The following FAM110C variants were observed in gnomAD, a reference collection of about 807,000 sequenced individuals.
FAM110C encodes protein FAM110C.
In FAM110C, 19 loss-of-function variants were observed where a neutral mutation model predicts 15.7. The ratio of observed to expected loss-of-function variants is 1.21; its 90% CI spans 0.85 to 1.78. The LOEUF (loss-of-function observed/expected upper bound fraction) is 1.78. FAM110C is among the 40% of genes most tolerant of loss of function. The pLI is 0.00. For synonymous variants in FAM110C, 275 were observed against 233.9 expected (o/e 1.18, Z -1.61); for missense variants, 547 against 495.7 (o/e 1.10, Z -0.98).
At position 40,748 on chromosome 2, in the gene FAM110C, G is replaced by A. The variant is rs1330623404; in HGVS notation, c.*860C>T. ...AAACCAAAGTTTTCTGTTCTTTTTG[G>A]AAGTTGGGAACAAGAGAACCATGGA... On this transcript the variant is annotated 3_prime_UTR_variant, in exon 2 of 2. Transcript: ENST00000327669. 2 of 152,302 alleles carry A rather than the reference G, an allele frequency of 1.3e-5. No individual in the cohort carries two copies. Among genetic ancestry groups the A allele is most frequent in the Admixed American group, 6.5e-5 (1 of 15,284 alleles). 9.4% of individuals were successfully genotyped at this position (152,302 alleles called of 1,614,324 possible). A position where few individuals can be genotyped will look rare whatever the true frequency, so the allele number is the denominator to read the frequency against.
intron 1 of FAM110C, chr2:44,746 G>A (rs891098638): frequency 1.1e-5 from 11 of 985,248 alleles, no homozygotes; most frequent in African/African-American, 1.7e-5. Context: ...TGTCATCAGA[G>A]GCAAATAAAC....
rs956096350 is a variant in FAM110C, at chr2:46,236, A to C, written c.150T>G (p.Gly50=). The C allele has an allele frequency of 7.1e-7, 1 of 1,405,852 alleles. No individual in the cohort carries two copies. Among genetic ancestry groups the C allele is most frequent in the Non-Finnish European group, 9.2e-7 (1 of 1,084,070 alleles). 87.1% of individuals were successfully genotyped at this position (1,405,852 alleles called of 1,614,324 possible). The change falls in exon 1 of 2, where the codon GGT becomes GGG. Residue 50 remains glycine, a synonymous_variant. Transcript: ENST00000327669. ...LAADRAKYVR[G]RPGTGRGVAS... ...CGACGCCCCGGCCAGTCCCCGGCCGACCCCGCACATACTTGGCGCGATCCG... is the reference window on the plus strand; with the variant it reads ...CGACGCCCCGGCCAGTCCCCGGCCGCCCCCGCACATACTTGGCGCGATCCG...
chr2:42,283 G>A (rs1664147761), intron 1 of FAM110C: 1 of 985,202 alleles, frequency 1.0e-6, no homozygotes, highest in Non-Finnish European at 1.2e-6. Flanking sequence ...TTTTCTTTGT[G>A]TCAAGGATAA....
In FAM110C at chr2:46,066, C is replaced by A; in HGVS notation, c.320G>T (p.Cys107Phe). 1 of 1,527,430 alleles carries A rather than the reference C, an allele frequency of 6.5e-7. No individual in the cohort carries two copies. The allele number at this position is 1,527,430 out of a possible 1,614,324, so 94.6% of individuals were successfully genotyped here. Residue 107 changes from cysteine to phenylalanine, a missense_variant, in exon 1 of 2, where the codon TGC (cysteine) becomes TTC (phenylalanine). Cys to Phe is a radical substitution (Grantham distance 205, BLOSUM62 -2). Transcript: ENST00000327669. The part of the protein sequence containing the change: ...PDSLIIYRQK[C>F]EFVRGSGADG... ...GGCGCCCGATCCTCGCACGAATTCG[C>A]ATTTCTGCCGGTAGATGATCAGCGA...
intron 1 of FAM110C, chr2:45,053 A>G: frequency 1.0e-6 from 1 of 985,432 alleles, no homozygotes; most frequent in Non-Finnish European, 1.2e-6. Context: ...CTCAGGAACT[A>G]GGGCTCTCAA....
At position 45,443 on chromosome 2, in the gene FAM110C, G is replaced by A. The variant is rs1346907030; in HGVS notation, c.943C>T (p.Arg315Ter). The A allele has an allele frequency of 1.9e-6, 3 of 1,606,876 alleles. No homozygotes were observed. The East Asian group carries it at 6.7e-5, about 36-fold the overall frequency. Residue 315 changes from arginine to a stop codon, truncating the protein, a stop_gained, in exon 1 of 2, where the codon CGA becomes TGA. Transcript: ENST00000327669. LOFTEE classifies it low-confidence loss of function (END_TRUNC). ...CCCCAGCCTTCTGGGCACACACCTC[G>A]GGTCCGGCTCTGCTCCTGGCTGGGG... ...ETPSQEQSRTRGSKPSR is the reference protein window; with the variant it reads ...ETPSQEQSRT
Position 46,344 on chromosome 2 carries a change from C to T in FAM110C, c.42G>A (p.Arg14=). 2.3e-6 allele frequency: 3 copies of T among 1,309,896 alleles called. No individual in the cohort carries two copies. The highest frequency in any genetic ancestry group is 1.9e-6 in the Non-Finnish European group (2 of 1,033,772). 81.1% of individuals were successfully genotyped at this position (1,309,896 alleles called of 1,614,324 possible). A position where few individuals can be genotyped will look rare whatever the true frequency, so the allele number is the denominator to read the frequency against. The change falls in exon 1 of 2, where the codon CGG becomes CGA. Residue 14 remains arginine, a synonymous_variant. Coordinates refer to ENST00000327669, the MANE Select transcript of FAM110C (RefSeq NM_001077710.3). ...TAGCCGCGGGGTCCCGGGGAAGGAG[C>T]CGCTCGTTCGGGGGCGCGCTCAGGG... ...LAALSAPPNE[R]LLPRDPAATR...
chr2:43,108 C>T, intron 1 of FAM110C: 1 of 985,428 alleles, frequency 1.0e-6, no homozygotes, highest in Non-Finnish European at 1.2e-6. Flanking sequence ...CTGGAGAAAG[C>T]CCAGGCAACT....
At position 45,758 on chromosome 2, in the gene FAM110C, C is replaced by T. The variant is rs780112321; in HGVS notation, c.628G>A (p.Ala210Thr). Residue 210 changes from alanine (A) to threonine (T), a missense_variant, in exon 1 of 2, where the codon GCT becomes ACT. Physicochemically the swap from Ala to Thr is moderately conservative, Grantham distance 58 (BLOSUM62 0). Coordinates refer to ENST00000327669, the MANE Select transcript of FAM110C (RefSeq NM_001077710.3). ...AAGGTGTCAGACTCGGCCAAGGCAGCGGAATAGCGGGAGCTGAGGTCCGAC... is the reference window on the plus strand; with the variant it reads ...AAGGTGTCAGACTCGGCCAAGGCAGTGGAATAGCGGGAGCTGAGGTCCGAC... ...SQSDLSSRYS[A>T]ALAESDTFFQ... 7 of 1,584,254 alleles carry T rather than the reference C, an allele frequency of 4.4e-6. No individual in the cohort carries two copies. In the East Asian group the frequency reaches 1.1e-4, roughly 26 times the overall value.
chr2:45,476 T>C lies in FAM110C; in HGVS notation c.910A>G (p.Lys304Glu). The C allele has an allele frequency of 1.2e-6, 2 of 1,613,836 alleles. No homozygotes were observed. The highest frequency in any genetic ancestry group is 2.7e-5 in the African/African-American group (2 of 75,054). ...CTCTGCTCCTGGCTGGGGGTCTCCT[T>C]GGCCTTCTTACAGGTGTACAGCCAC... Reference protein sequence around the residue: ...IKWLYTCKKAKETPSQEQSRT... With the variant: ...IKWLYTCKKAEETPSQEQSRT... Residue 304 changes from lysine (K) to glutamate (E), a missense_variant, in exon 1 of 2, where the codon AAG (lysine) becomes GAG (glutamate). Lys to Glu is a moderately conservative substitution (Grantham distance 56, BLOSUM62 1). Transcript: ENST00000327669.
chr2:44,886 C>T (rs976454281), intron 1 of FAM110C: 56 of 985,290 alleles, frequency 5.7e-5, no homozygotes, highest in Non-Finnish European at 1.2e-5. Context: ...CTACAAGATC[C>T]TGTGGAGAAG....
intron 1 of FAM110C, chr2:44,532 A>T: frequency 2.0e-6 from 2 of 985,436 alleles, no homozygotes; most frequent in Non-Finnish European, 2.4e-6. Context: ...GTAAGAGGAA[A>T]AAAAAGATGT....
In FAM110C at chr2:45,420, C is replaced by A; in HGVS notation, c.946+20G>T. 1 of 1,591,006 alleles carries A rather than the reference C, an allele frequency of 6.3e-7. No homozygotes were observed. Among genetic ancestry groups the A allele is most frequent in the Non-Finnish European group, 8.6e-7 (1 of 1,166,212 alleles). ...GCCCCGCACACGGCCAGCCCCGCCC[C>A]CAGCCTTCTGGGCACACACCTCGGG... is the stretch of plus-strand genomic sequence containing the variant. On this transcript the variant is annotated intron_variant, in intron 1 of 1. Transcript: ENST00000327669.
rs1263465067 is a variant in FAM110C at position 41,586 on chromosome 2, G to T, written c.*22C>A. The T allele has an allele frequency of 6.2e-7, 1 of 1,613,572 alleles. No individual in the cohort carries two copies. Among genetic ancestry groups the T allele is most frequent in the African/African-American group, 1.3e-5 (1 of 74,902 alleles). On this transcript the variant is annotated 3_prime_UTR_variant, in exon 2 of 2. Transcript: ENST00000327669. ...GGTCCTGGGATCCCAAATCACCCAT[G>T]AAATCCTTCAAGAAGTCTTCATCAT...
At chr2:44,285 A>T (rs1664215494) in intron 1 of FAM110C, 1 of 985,298 alleles carries the variant, frequency 1.0e-6, no homozygotes, top group Non-Finnish European at 1.2e-6. Flanking sequence ...TTCAAGAAAA[A>T]GAATGAATTA....
At position 45,299 on chromosome 2, in the gene FAM110C, T is replaced by C. The variant is rs916844330; in HGVS notation, c.946+141A>G. 7.7e-6 allele frequency: 11 copies of C among 1,431,262 alleles called. No individual in the cohort carries two copies. In the Admixed American group the frequency reaches 2.9e-4, roughly 37 times the overall value. The allele number at this position is 1,431,262 out of a possible 1,614,324, so 88.7% of individuals were successfully genotyped here. A position where few individuals can be genotyped will look rare whatever the true frequency, so the allele number is the denominator to read the frequency against. On this transcript the variant is annotated intron_variant, in intron 1 of 1. Coordinates refer to ENST00000327669, the MANE Select transcript of FAM110C (RefSeq NM_001077710.3). ...ACTCACAAGCCTCTGCGTCAGTCTC[T>C]TGGGTCCCTTTCACACTGTAGCTCA...
At chr2:41,815 CA>C in intron 1 of FAM110C, 188 bp from the exon 2 acceptor site, 1 of 985,398 alleles carries the variant, frequency 1.0e-6, no homozygotes, top group Admixed American at 6.1e-5. Flanking sequence ...ATACAGCTAT[CA>C]TCTCGTTTCT....
chr2:43,071 G>T (rs1316162346), intron 1 of FAM110C: 1 of 985,408 alleles, frequency 1.0e-6, no homozygotes, highest in Non-Finnish European at 1.2e-6. Flanking sequence ...AGGGGCTAAG[G>T]TCATGAGCAG....
chr2:44,693 A>G (rs900409053), intron 1 of FAM110C: 46 of 985,308 alleles, frequency 4.7e-5, no homozygotes, highest in Non-Finnish European at 5.3e-5. Flanking sequence ...CTCGAGGTCA[A>G]TCCGGCACTA....
Sources: allele counts gnomAD v4.1 joint callset, GRCh38; gene constraint gnomAD v4.1.1; transcripts MANE v1.5; gene names NCBI Gene and HGNC (gene_info 2026-07-23, HGNC 2026-07-21).